Variants in VWC2 observed in about 807,000 individuals in gnomAD.
The protein encoded by VWC2 is von Willebrand factor C domain containing 2, also known as brorin.
Under a neutral mutation model 29.8 loss-of-function variants are expected in VWC2, and 14 were observed. That is an observed-to-expected ratio of 0.47 (90% CI 0.31 to 0.74). The LOEUF is 0.74. Ranked by LOEUF, VWC2 falls within the 30% of genes least tolerant of loss-of-function variation. VWC2 has a pLI of 0.05. For missense variants in VWC2, 457 were observed against 459.8 expected (o/e 0.99, Z 0.05); for synonymous variants, 213 against 199.0 (o/e 1.07, Z -0.59).
At chr7:49,803,991 G>T (rs1788809578) in intron 3 of VWC2, among the ~76,000 whole-genome samples, 1 of 152,146 alleles carries the variant, frequency 6.6e-6, no homozygotes, top group African/African-American at 2.4e-5. Flanking sequence ...CATAATCATT[G>T]TAGCATAGTA....
At chr7:49,857,806 C>T (rs1342780199) in intron 3 of VWC2, among the ~76,000 whole-genome samples, 2 of 152,070 alleles carry the variant, frequency 1.3e-5, no homozygotes, top group African/African-American at 4.8e-5. Flanking sequence ...GGTATAAATC[C>T]ATAAAAAGTG....
chr7:49,780,196 A>G (rs890757724), intron 2 of VWC2, among the ~76,000 whole-genome samples: 3 of 152,192 alleles, frequency 2.0e-5, no homozygotes, highest in Admixed American at 6.5e-5. Flanking sequence ...GTGTATGCCA[A>G]TGAACATTAA....
At chr7:49,857,059 A>T (rs1790456067) in intron 3 of VWC2, among the ~76,000 whole-genome samples, 1 of 142,658 alleles carries the variant, frequency 7.0e-6, no homozygotes, top group Non-Finnish European at 1.5e-5. Context: ...CATGATATCT[A>T]CCTTCTTAAC....
rs886286813 is a variant in VWC2, at chr7:49,826,520, G to A, written c.826+23680G>A. Among the ~76,000 whole-genome samples the A allele has an allele frequency of 3.9e-5, 6 of 152,232 alleles. No individual in the cohort carries two copies. The South Asian group carries it at 6.2e-4, about 16-fold the overall frequency. On this transcript the variant is annotated intron_variant, in intron 3 of 3. Coordinates refer to ENST00000340652, the MANE Select transcript of VWC2 (RefSeq NM_198570.5). The stretch of plus-strand genomic sequence containing the variant: ...TAACTATAGCATTGCAGATGAACAA[G>A]CCAGAGTCTTTAGAAGTGCACAAAT...
chr7:49,813,926 T>C (rs1247739825), intron 3 of VWC2, among the ~76,000 whole-genome samples: 1 of 152,214 alleles, frequency 6.6e-6, no homozygotes, highest in East Asian at 1.9e-4. Flanking sequence ...TCTGTTTTTC[T>C]TGGTGCTGAA....
At chr7:49,839,606 C>CAA (rs5884132) in intron 3 of VWC2, among the ~76,000 whole-genome samples, 6 of 141,734 alleles carry the variant, frequency 4.2e-5, no homozygotes, top group African/African-American at 1.0e-4. Flanking sequence ...AAACAAGAGC[C>CAA]AAAAAAAAAA....
chr7:49,784,809 C>G (rs372893072), intron 2 of VWC2, among the ~76,000 whole-genome samples: 2 of 152,140 alleles, frequency 1.3e-5, no homozygotes, highest in African/African-American at 4.8e-5. Flanking sequence ...CAAACACACA[C>G]GGGGTGAATG....
chr7:49,792,935 G>A (rs966707826), intron 2 of VWC2, among the ~76,000 whole-genome samples: 3 of 152,174 alleles, frequency 2.0e-5, no homozygotes, highest in Non-Finnish European at 2.9e-5. Flanking sequence ...AGTTTCCCAC[G>A]TCTCATGGCC....
chr7:49,869,073 T>C (rs184280544), intron 3 of VWC2, among the ~76,000 whole-genome samples: 254 of 152,276 alleles, frequency 1.7e-3, no homozygotes, highest in Non-Finnish European at 2.9e-3. Context: ...TTGAAACCCG[T>C]ACAAGTGAGG....
At chr7:49,792,100 T>C (rs1477571240) in intron 2 of VWC2, among the ~76,000 whole-genome samples, 1 of 152,178 alleles carries the variant, frequency 6.6e-6, no homozygotes, top group African/African-American at 2.4e-5. Flanking sequence ...CATTTGGCCC[T>C]CCACATCCAC....
At chr7:49,843,253 A>G (rs957724760) in intron 3 of VWC2, among the ~76,000 whole-genome samples, 5 of 152,150 alleles carry the variant, frequency 3.3e-5, no homozygotes, top group African/African-American at 1.2e-4. Context: ...AAAAATCCAA[A>G]TTCAAATTCT....
chr7:49,790,681 A>G (rs947745600), intron 2 of VWC2, among the ~76,000 whole-genome samples: 4 of 151,860 alleles, frequency 2.6e-5, no homozygotes, highest in African/African-American at 9.7e-5. Context: ...ATCACATGGC[A>G]GGGCACCTCC....
intron 3 of VWC2, among the ~76,000 whole-genome samples, chr7:49,805,847 A>G (rs1583640140): frequency 3.3e-5 from 5 of 152,234 alleles, no homozygotes; most frequent in Admixed American, 3.3e-4. Flanking sequence ...TCACTCTGGC[A>G]TGTCTTGACC....
chr7:49,775,396 C>CTGCCCGTGCCTGTGCACCGA lies in VWC2; in HGVS notation c.-40_-39insTGCCCGTGCCTGTGCACCGA. On this transcript the variant is annotated 5_prime_UTR_variant, in exon 2 of 4. The change abolishes the stop of an existing upstream ORF in the 5' untranslated region. Coordinates refer to ENST00000340652, the MANE Select transcript of VWC2 (RefSeq NM_198570.5). ...CTGTGAATGCGACTCGCCCCTCGGC[C>CTGCCCGTGCCTGTGCACCGA]GCGCTCCCCGCCCGCCCGCCCGCCG... 7.5e-7 allele frequency: 1 copy of CTGCCCGTGCCTGTGCACCGA among 1,326,038 alleles called. No homozygotes were observed. Among genetic ancestry groups the CTGCCCGTGCCTGTGCACCGA allele is most frequent in the Non-Finnish European group, 9.6e-7 (1 of 1,039,298 alleles). The allele number at this position is 1,326,038 out of a possible 1,614,324, so 82.1% of individuals were successfully genotyped here. A position where few individuals can be genotyped will look rare whatever the true frequency, so the allele number is the denominator to read the frequency against.
chr7:49,826,210 C>T (rs1408252283), intron 3 of VWC2, among the ~76,000 whole-genome samples: 2 of 152,164 alleles, frequency 1.3e-5, no homozygotes, highest in Admixed American at 6.6e-5. Context: ...TCACTGCTAT[C>T]TGGGGGACAG....
chr7:49,854,158 A>T (rs1790317492), intron 3 of VWC2, among the ~76,000 whole-genome samples: 1 of 152,168 alleles, frequency 6.6e-6, no homozygotes, highest in Admixed American at 6.5e-5. Context: ...TATTGTGAAT[A>T]GTGCCGCAAT....
Position 49,920,265 on chromosome 7 carries a change from A to C in VWC2, c.*8080A>C, listed in dbSNP as rs1793960970. On this transcript the variant is annotated 3_prime_UTR_variant, in exon 4 of 4. Transcript: ENST00000340652. ...ACGATGAATCCTTTTCTTAAGGAAA[A>C]AATGAAAATAATAAAAGTGGTATTT... is the stretch of plus-strand genomic sequence containing the variant. The C allele has an allele frequency of 6.6e-6, 1 of 152,198 alleles. No homozygotes were observed. The highest frequency in any genetic ancestry group is 1.5e-5 in the Non-Finnish European group (1 of 68,036). 9.4% of individuals were successfully genotyped at this position (152,198 alleles called of 1,614,324 possible).
intron 3 of VWC2, among the ~76,000 whole-genome samples, chr7:49,816,477 A>G (rs1398582836): frequency 6.6e-6 from 1 of 152,176 alleles, no homozygotes; most frequent in Admixed American, 6.5e-5. Flanking sequence ...TCAAAAGTTT[A>G]AGAATGGGGC....
At chr7:49,777,911 G>C (rs1234866743) in intron 2 of VWC2, among the ~76,000 whole-genome samples, 1 of 151,862 alleles carries the variant, frequency 6.6e-6, no homozygotes, top group Admixed American at 6.6e-5. Flanking sequence ...TAACATCATC[G>C]GCTCTTCTAA....
Sources: allele counts gnomAD v4.1 joint callset (sites outside exome capture counted in the v4.1 genomes callset), GRCh38; gene constraint gnomAD v4.1.1; transcripts MANE v1.5; gene names NCBI Gene and HGNC (gene_info 2026-07-23, HGNC 2026-07-21).